The following TAF1D variants were observed in gnomAD, a reference collection of about 807,000 sequenced individuals.
TAF1D encodes TATA box-binding protein-associated factor RNA polymerase I subunit D.
A neutral mutation model predicts 26.2 loss-of-function variants in TAF1D; 23 were observed. The observed-to-expected ratio is 0.88, with a 90% CI of 0.63 to 1.25. The LOEUF is 1.25. Among genes scored for constraint, TAF1D ranks in the 50% most tolerant of loss-of-function variants. The pLI, the probability that TAF1D is intolerant of heterozygous loss-of-function variation, is 0.00. For synonymous variants in TAF1D, 100 were observed against 105.6 expected (o/e 0.95, Z 0.33); for missense variants, 299 against 322.0 (o/e 0.93, Z 0.55).
At chr11:93,739,763 C>T (rs1941424715) in intron 1 of TAF1D, among the ~76,000 whole-genome samples, 2 of 151,916 alleles carry the variant, frequency 1.3e-5, no homozygotes, top group African/African-American at 4.8e-5. Context: ...ATCAATAAAC[C>T]ATTTTAAACT....
chr11:93,734,515 G>C (rs1297560768), downstream of TAF1D: 1 of 419,878 alleles, frequency 2.4e-6, no homozygotes, highest in Non-Finnish European at 4.7e-6. Flanking sequence ...GTATAAATGG[G>C]AATTAAAAGC....
downstream of TAF1D, chr11:93,730,896 G>A (rs1230632978): frequency 8.7e-6 from 4 of 462,172 alleles, no homozygotes; most frequent in Non-Finnish European, 1.7e-5. Context: ...AGATCTAGGA[G>A]AATTTTCAAA....
chr11:93,740,566 A>C (rs1251187512), intron 1 of TAF1D, among the ~76,000 whole-genome samples: 3 of 151,504 alleles, frequency 2.0e-5, no homozygotes, highest in African/African-American at 7.3e-5. Context: ...ACCTGACATG[A>C]GTCATTACAT....
In TAF1D at chr11:93,735,807, G is replaced by A; in HGVS notation, c.*354C>T. 2.8e-6 allele frequency: 3 copies of A among 1,066,852 alleles called. No homozygotes were observed. Among genetic ancestry groups the A allele is most frequent in the Non-Finnish European group, 3.4e-6 (3 of 881,226 alleles). The allele number at this position is 1,066,852 out of a possible 1,614,324, so 66.1% of individuals were successfully genotyped here. On this transcript the variant is annotated 3_prime_UTR_variant, in exon 6 of 6. Coordinates refer to ENST00000448108, the MANE Select transcript of TAF1D (RefSeq NM_024116.4). ...GCATTTCAAATCCCCTCTTCAAGATGGTTGGGTGTCAAGTTACTTTAAGAT... is the reference window on the plus strand; with the variant it reads ...GCATTTCAAATCCCCTCTTCAAGATAGTTGGGTGTCAAGTTACTTTAAGAT...
intron 1 of TAF1D, among the ~76,000 whole-genome samples, chr11:93,739,994 C>T (rs1213809982): frequency 6.7e-6 from 1 of 148,450 alleles, no homozygotes; most frequent in Non-Finnish European, 1.5e-5. Context: ...AAAAAGATTC[C>T]TTCTTGTGAG....
chr11:93,736,327 C>A, intron 5 of TAF1D, 23 bp from the exon 6 acceptor site: 1 of 1,583,478 alleles, frequency 6.3e-7, no homozygotes. Flanking sequence ...AACAAAAAAT[C>A]ATGGATTAAG....
At chr11:93,740,232 A>G (rs1204975630) in intron 1 of TAF1D, among the ~76,000 whole-genome samples, 1 of 151,744 alleles carries the variant, frequency 6.6e-6, no homozygotes, top group Non-Finnish European at 1.5e-5. Context: ...TGGGAGGTGG[A>G]GCTTGTATGT....
At chr11:93,735,175 T>A (rs775531164), downstream of TAF1D, 3 of 1,352,012 alleles carry the variant, frequency 2.2e-6, no homozygotes, top group Non-Finnish European at 2.9e-6. Flanking sequence ...CAAAAGAGGA[T>A]TTATTTTTTG....
intron 3 of TAF1D, among the ~76,000 whole-genome samples, chr11:93,737,518 A>C (rs1267100816): frequency 6.6e-6 from 1 of 152,188 alleles, no homozygotes; most frequent in African/African-American, 2.4e-5. Flanking sequence ...TAAGATTTCT[A>C]ATGTTTACTA....
At position 93,736,750 on chromosome 11, in the gene TAF1D, CTCTGT is replaced by C; in HGVS notation, c.636-4_636del. ...AGATGTGTTGCATCCTCATCCTCTG[CTCTGT>C]AATATTAAAATTTATCATCGAGATG... On this transcript the variant is annotated splice_acceptor_variant and splice_polypyrimidine_tract_variant and coding_sequence_variant and intron_variant, in exon 5 of 6. Coordinates refer to ENST00000448108, the MANE Select transcript of TAF1D (RefSeq NM_024116.4). LOFTEE classifies it high-confidence loss of function. 1 of 1,608,780 alleles carries C rather than the reference CTCTGT, an allele frequency of 6.2e-7. No individual in the cohort carries two copies.
intron 1 of TAF1D, among the ~76,000 whole-genome samples, chr11:93,740,357 C>T (rs954239267): frequency 1.5e-5 from 2 of 131,818 alleles, no homozygotes; most frequent in African/African-American, 2.8e-5. Context: ...TCGCTTAAGC[C>T]GCGGTGGAGG....
Position 93,739,289 on chromosome 11 carries a change from T to C in TAF1D, c.16A>G (p.Ile6Val). MDKSGIDSLDHVTSDA... is the reference protein window; with the variant it reads MDKSGVDSLDHVTSDA... ...GATGTCACATGGTCAAGAGAATCTATTCCTGATTTATCCATCAATTGCTCT... is the reference window on the plus strand; with the variant it reads ...GATGTCACATGGTCAAGAGAATCTACTCCTGATTTATCCATCAATTGCTCT... The change falls in exon 2 of 6, where the codon ATA becomes GTA. Residue 6 changes from isoleucine to valine, a missense_variant. By Grantham distance (29) the Ile-to-Val change is conservative. Transcript: ENST00000448108. The C allele has an allele frequency of 6.2e-7, 1 of 1,610,400 alleles. No homozygotes were observed. Among genetic ancestry groups the C allele is most frequent in the Non-Finnish European group, 8.5e-7 (1 of 1,179,234 alleles).
downstream of TAF1D, chr11:93,733,482 C>T (rs575319979): frequency 3.9e-5 from 20 of 518,772 alleles, no homozygotes; most frequent in Non-Finnish European, 5.8e-5. Flanking sequence ...CTTGTAATTC[C>T]TTCCCACAGA....
chr11:93,739,106 A>G (rs953863125), intron 2 of TAF1D, 131 bp downstream of exon 2: 1 of 662,084 alleles, frequency 1.5e-6, no homozygotes, highest in Non-Finnish European at 2.6e-6. Context: ...ATGTAACTAG[A>G]TAAACTTGGA....
chr11:93,734,824 G>A (rs1940333320), downstream of TAF1D: 25 of 1,102,530 alleles, frequency 2.3e-5, 1 homozygote, highest in South Asian at 3.6e-4. Context: ...TACTCAGGCT[G>A]GAGTACAGTG....
chr11:93,732,400 GCCAAGAAAA>G (rs1344378492), downstream of TAF1D: 10 of 518,900 alleles, frequency 1.9e-5, no homozygotes, highest in Non-Finnish European at 3.8e-5. Context: ...CAAGCACAAA[GCCAAGAAAA>G]CCAACGATGC....
At chr11:93,733,698 G>A (rs758093324), downstream of TAF1D, 7 of 444,648 alleles carry the variant, frequency 1.6e-5, no homozygotes, top group South Asian at 1.0e-4. Context: ...CCAGGGGTTC[G>A]AGGCTACAGT....
downstream of TAF1D, chr11:93,730,755 A>T: frequency 2.2e-6 from 1 of 461,720 alleles, no homozygotes; most frequent in South Asian, 1.6e-5. Flanking sequence ...ATTTCCAGAG[A>T]TGAGTGTACA....
chr11:93,733,553 C>A (rs779756357), downstream of TAF1D: 2 of 518,836 alleles, frequency 3.9e-6, no homozygotes, highest in East Asian at 1.1e-4. Context: ...GCGTTTCCAA[C>A]GATGTGCAGG....
Sources: gnomAD v4.1 joint callset for allele counts (sites outside exome capture counted in the v4.1 genomes callset) on GRCh38, gnomAD v4.1.1 for gene constraint, MANE v1.5 for transcripts, NCBI Gene and HGNC (gene_info 2026-07-23, HGNC 2026-07-21) for gene names.